Variants in PRKCA observed in about 807,000 individuals in gnomAD.
PRKCA encodes the protein protein kinase C alpha type.
A neutral mutation model predicts 87.0 loss-of-function variants in PRKCA; 27 were observed. The ratio of observed to expected loss-of-function variants is 0.31; its 90% CI spans 0.23 to 0.43. The LOEUF (loss-of-function observed/expected upper bound fraction) is 0.43, where lower values mean the gene tolerates loss of function less well. Among genes scored for constraint, PRKCA ranks in the 20% least tolerant of loss-of-function variants. The pLI is 1.00. For missense variants in PRKCA, 518 were observed against 852.3 expected, an observed-to-expected ratio of 0.61 and a Z score of 4.88; for synonymous variants, 329 against 311.1, an observed-to-expected ratio of 1.06 and a Z score of -0.61.
chr17:66,581,736 A>G (rs777533062), intron 3 of PRKCA, among the ~76,000 whole-genome samples: 25 of 152,116 alleles, frequency 1.6e-4, no homozygotes, highest in African/African-American at 2.4e-4. Context: ...CAGCCTCCCA[A>G]AGTGCTGGGA....
intron 3 of PRKCA, among the ~76,000 whole-genome samples, chr17:66,593,088 C>T (rs905634826): frequency 2.6e-5 from 4 of 152,186 alleles, no homozygotes; most frequent in Non-Finnish European, 5.9e-5. Flanking sequence ...CCGTGCCCGG[C>T]CCAATTCATT....
chr17:66,447,262 A>G (rs1010866809), intron 2 of PRKCA, among the ~76,000 whole-genome samples: 1 of 152,140 alleles, frequency 6.6e-6, no homozygotes, highest in Non-Finnish European at 1.5e-5. Flanking sequence ...GTTTTGAAAG[A>G]AGGGAGTGAT....
chr17:66,468,647 G>A (rs756196556), intron 2 of PRKCA, among the ~76,000 whole-genome samples: 1 of 152,090 alleles, frequency 6.6e-6, no homozygotes, highest in Admixed American at 6.6e-5. Context: ...TGGAAGGTGT[G>A]GTCTGAAACC....
At chr17:66,639,326 G>A (rs879507210) in intron 3 of PRKCA, 3 of 152,220 alleles carry the variant, frequency 2.0e-5, no homozygotes, top group Non-Finnish European at 4.4e-5. Flanking sequence ...GGTCGGGTCC[G>A]GTTAGTACTT....
intron 4 of PRKCA, among the ~76,000 whole-genome samples, chr17:66,644,079 C>G (rs970343955): frequency 1.3e-5 from 2 of 152,164 alleles, no homozygotes; most frequent in African/African-American, 2.4e-5. Flanking sequence ...ATGTGGTTAA[C>G]ACAAGCAATA....
intron 3 of PRKCA, among the ~76,000 whole-genome samples, chr17:66,520,375 C>T (rs1160667338): frequency 1.3e-5 from 2 of 152,058 alleles, no homozygotes; most frequent in African/African-American, 4.8e-5. Context: ...CCCGCCTCGG[C>T]CTCCCAAAGT....
chr17:66,671,729 G>C (rs1302962153), intron 5 of PRKCA, among the ~76,000 whole-genome samples: 1 of 152,212 alleles, frequency 6.6e-6, no homozygotes, highest in Non-Finnish European at 1.5e-5. Context: ...GAAACTCTGT[G>C]TACCTGGATG....
chr17:66,742,541 A>G (rs1168851483), intron 12 of PRKCA, 81 bp from the exon 13 acceptor site: 1 of 1,442,972 alleles, frequency 6.9e-7, no homozygotes, highest in African/African-American at 1.4e-5. Context: ...AGGTATTCAG[A>G]TATCCTTCTA....
At chr17:66,322,778 G>A (rs1301241663) in intron 2 of PRKCA, among the ~76,000 whole-genome samples, 1 of 151,766 alleles carries the variant, frequency 6.6e-6, no homozygotes, top group East Asian at 1.9e-4. Flanking sequence ...GCTAGCTTTG[G>A]AGTATTCTTA....
chr17:66,758,966 C>T (rs896753422), intron 13 of PRKCA, among the ~76,000 whole-genome samples: 5 of 151,764 alleles, frequency 3.3e-5, no homozygotes, highest in East Asian at 1.9e-4. Flanking sequence ...GTGAAATGAA[C>T]GAGAGCAGTG....
intron 14 of PRKCA, among the ~76,000 whole-genome samples, chr17:66,779,441 C>T (rs1975150224): frequency 6.6e-6 from 1 of 151,600 alleles, no homozygotes; most frequent in African/African-American, 2.4e-5. Flanking sequence ...AAGGGACCAG[C>T]CCTCTCCTTA....
intron 5 of PRKCA, among the ~76,000 whole-genome samples, chr17:66,654,189 A>C (rs28617608): frequency 0.58 from 87,533 of 151,996 alleles, 25,275 homozygotes; most frequent in Admixed American, 0.6. Flanking sequence ...TGTGCCTGGC[A>C]TCTTGCAAAT....
At chr17:66,467,551 A>G (rs1915138616) in intron 2 of PRKCA, among the ~76,000 whole-genome samples, 1 of 152,034 alleles carries the variant, frequency 6.6e-6, no homozygotes, top group Non-Finnish European at 1.5e-5. Flanking sequence ...TTAGAATGAA[A>G]TTTTGTTTGT....
chr17:66,529,760 A>C (rs1967476051), intron 3 of PRKCA, among the ~76,000 whole-genome samples: 1 of 152,204 alleles, frequency 6.6e-6, no homozygotes, highest in Admixed American at 6.5e-5. Flanking sequence ...CATTTTTATG[A>C]GTCCTCGTGC....
intron 5 of PRKCA, among the ~76,000 whole-genome samples, chr17:66,661,193 C>T (rs1316880372): frequency 6.6e-6 from 1 of 151,826 alleles, no homozygotes; most frequent in Admixed American, 6.6e-5. Flanking sequence ...TGCATGTCTT[C>T]TACTGTGTCA....
chr17:66,581,947 G>A (rs1049146739), intron 3 of PRKCA, among the ~76,000 whole-genome samples: 4 of 152,164 alleles, frequency 2.6e-5, no homozygotes, highest in African/African-American at 7.2e-5. Flanking sequence ...TCTTCTATGG[G>A]ATGGGGATAA....
At chr17:66,769,125 G>C (rs1031408897) in intron 13 of PRKCA, among the ~76,000 whole-genome samples, 1 of 152,228 alleles carries the variant, frequency 6.6e-6, no homozygotes, top group African/African-American at 2.4e-5. Context: ...GCATTTCCAG[G>C]CTGGGCATAG....
intron 8 of PRKCA, among the ~76,000 whole-genome samples, chr17:66,722,376 C>T (rs1973636868): frequency 6.6e-6 from 1 of 152,172 alleles, no homozygotes; most frequent in African/African-American, 2.4e-5. Flanking sequence ...GTCACAACCA[C>T]CCTCAATTTT....
At chr17:66,714,271 C>G (rs143722580) in intron 8 of PRKCA, among the ~76,000 whole-genome samples, 2 of 151,968 alleles carry the variant, frequency 1.3e-5, no homozygotes, top group East Asian at 3.9e-4. Context: ...CCACGCCCCC[C>G]TCAAGCTGCC....
Sources: gnomAD v4.1 joint callset for allele counts (sites outside exome capture counted in the v4.1 genomes callset) on GRCh38, gnomAD v4.1.1 for gene constraint, MANE v1.5 for transcripts, NCBI Gene and HGNC (gene_info 2026-07-23, HGNC 2026-07-21) for gene names.